The following GOSR2 variants were observed in gnomAD, a reference collection of about 807,000 sequenced individuals.
GOSR2 encodes 27 kDa Golgi SNARE protein.
In GOSR2, 20 loss-of-function variants were observed where a neutral mutation model predicts 27.9. That is an observed-to-expected ratio of 0.72 (90% CI 0.50 to 1.04). GOSR2 has a LOEUF of 1.04. Among genes scored for constraint, GOSR2 ranks in the 50% least tolerant of loss-of-function variants. GOSR2 has a pLI of 0.00. For missense variants in GOSR2, 261 were observed against 270.5 expected, an observed-to-expected ratio of 0.97 and a Z score of 0.25; for synonymous variants, 91 against 98.8, an observed-to-expected ratio of 0.92 and a Z score of 0.47.
intron 3 of GOSR2, 102 bp downstream of exon 3, chr17:46,931,309 G>A: frequency 1.4e-6 from 1 of 736,462 alleles, no homozygotes. Context: ...CAACGTACAT[G>A]TTGAAAAACT....
intron 6 of GOSR2, chr17:46,966,491 G>A (rs1282933687): frequency 4.5e-6 from 3 of 672,126 alleles, no homozygotes. Context: ...GGAACTACAG[G>A]TGCACCCCAC....
intron 6 of GOSR2, among the ~76,000 whole-genome samples, chr17:46,965,745 C>T (rs549166149): frequency 6.6e-6 from 1 of 152,184 alleles, no homozygotes; most frequent in African/African-American, 2.4e-5. Flanking sequence ...ACCTTAGCCT[C>T]CTGAGTAAAT....
downstream of GOSR2, among the ~76,000 whole-genome samples, chr17:46,946,003 C>T (rs2089826745): frequency 6.6e-6 from 1 of 152,150 alleles, no homozygotes; most frequent in African/African-American, 2.4e-5. Context: ...CCTCTCTTAC[C>T]TCAATCCAGG....
At position 46,941,950 on chromosome 17, in the gene GOSR2, A is replaced by G. The variant is rs1599085324; in HGVS notation, c.*3190A>G. ...CTCCTAGACAGAAAGCTTCTGTCTC[A>G]AAGATGATCACATTGGTGTAAAGAG... On this transcript the variant is annotated 3_prime_UTR_variant, in exon 6 of 6. Transcript: ENST00000640051. 1.0e-6 allele frequency: 1 copy of G among 985,186 alleles called. No individual in the cohort carries two copies. The allele number at this position is 985,186 out of a possible 1,614,324, so 61.0% of individuals were successfully genotyped here.
exon 7 of GOSR2, chr17:46,966,732 A>C (rs926060770): frequency 8.5e-6 from 4 of 471,496 alleles, no homozygotes; most frequent in African/African-American, 8.0e-5. Context: ...TGACTTGAGC[A>C]ATTTGTGCCT....
At position 46,966,568 on chromosome 17, in the gene GOSR2, C is replaced by T. The variant is rs771984158; in HGVS notation, c.618C>T (p.Pro206=). ...CTCACCATGTTGCCCAGAATGGACC[C>T]GAACTCCTGAGCTCAAGAGATCCTC... Residue 206 remains proline, a synonymous_variant, in exon 7 of 7, where the codon CCC becomes CCT. Transcript: ENST00000573224. The T allele has an allele frequency of 3.5e-5, 24 of 694,612 alleles. No individual in the cohort carries two copies. In the African/African-American group the frequency reaches 3.5e-4, roughly 10 times the overall value. The allele number at this position is 694,612 out of a possible 1,614,324, so 43.0% of individuals were successfully genotyped here.
At chr17:46,931,291 C>T in intron 3 of GOSR2, 84 bp downstream of exon 3, 1 of 782,816 alleles carries the variant, frequency 1.3e-6, no homozygotes, top group Non-Finnish European at 2.3e-6. Context: ...ATAGAATATT[C>T]TGAAAACCAA....
At chr17:46,971,690 CTT>C (rs2091394024), downstream of GOSR2, among the ~76,000 whole-genome samples, 1 of 152,214 alleles carries the variant, frequency 6.6e-6, no homozygotes. Flanking sequence ...GGTGAAGCGA[CTT>C]TCTCTGATGA....
rs1199656552 is a variant in GOSR2 at position 46,941,296 on chromosome 17, T to C, written c.*2536T>C. On this transcript the variant is annotated 3_prime_UTR_variant, in exon 6 of 6. Transcript: ENST00000640051. ...ATTTGAATGGGTTTGATTTGCAAAT[T>C]TGGATTTACACCCATTGTTTTGGAA... is the stretch of plus-strand genomic sequence containing the variant. The C allele has an allele frequency of 4.1e-6, 4 of 985,738 alleles. No individual in the cohort carries two copies. The highest frequency in any genetic ancestry group is 4.8e-6 in the Non-Finnish European group (4 of 830,230). The allele number at this position is 985,738 out of a possible 1,614,324, so 61.1% of individuals were successfully genotyped here.
intron 6 of GOSR2, among the ~76,000 whole-genome samples, chr17:46,953,262 T>G (rs1428968479): frequency 2.6e-5 from 4 of 151,572 alleles, no homozygotes; most frequent in Non-Finnish European, 4.4e-5. Context: ...GTGTTCTCAT[T>G]GTTCAATTCC....
chr17:46,934,394 C>T (rs1175964100), intron 4 of GOSR2, among the ~76,000 whole-genome samples: 3 of 152,146 alleles, frequency 2.0e-5, no homozygotes, highest in South Asian at 4.1e-4. Context: ...TGGTAGCATG[C>T]ACCTATGGTC....
At chr17:46,968,893 C>T (rs2091362836), downstream of GOSR2, 1 of 152,294 alleles carries the variant, frequency 6.6e-6, no homozygotes. Flanking sequence ...TGGGGTGCAA[C>T]CCCAAAAGCA....
At chr17:46,931,704 G>A (rs1229543511) in intron 3 of GOSR2, 1 of 333,544 alleles carries the variant, frequency 3.0e-6, no homozygotes, top group African/African-American at 2.2e-5. Context: ...CTTTGTGGAT[G>A]CTTTACCTCA....
intron 6 of GOSR2, among the ~76,000 whole-genome samples, chr17:46,966,380 C>G (rs2091321130): frequency 6.6e-6 from 1 of 152,192 alleles, no homozygotes; most frequent in African/African-American, 2.4e-5. Flanking sequence ...CCTCACACCT[C>G]TTCAAGGCCC....
chr17:46,973,572 T>G (rs2091414858), intron 6 of GOSR2, among the ~76,000 whole-genome samples: 1 of 152,070 alleles, frequency 6.6e-6, no homozygotes, highest in African/African-American at 2.4e-5. Context: ...GTCTAAGTAA[T>G]AGAACTATGA....
At chr17:46,972,608 A>G (rs2091404273) in intron 6 of GOSR2, among the ~76,000 whole-genome samples, 1 of 152,240 alleles carries the variant, frequency 6.6e-6, no homozygotes, top group Non-Finnish European at 1.5e-5. Context: ...ATTGCTGTCA[A>G]CATACAGGTT....
chr17:46,967,238 G>T (rs1036192626), downstream of GOSR2, among the ~76,000 whole-genome samples: 2 of 152,232 alleles, frequency 1.3e-5, no homozygotes, highest in Non-Finnish European at 2.9e-5. Context: ...CAGTCTGCCT[G>T]GGTTTGGATC....
intron 6 of GOSR2, among the ~76,000 whole-genome samples, chr17:46,961,648 G>A (rs959601156): frequency 6.6e-6 from 1 of 152,102 alleles, no homozygotes; most frequent in African/African-American, 2.4e-5. Context: ...AAATACGTCT[G>A]TAAAAAGATT....
intron 4 of GOSR2, chr17:46,933,745 G>A (rs144801734): frequency 1.8e-4 from 28 of 151,594 alleles, no homozygotes; most frequent in African/African-American, 6.8e-4. Context: ...GACCAAGGCA[G>A]TGGATTGTTC....
Sources: gnomAD v4.1 joint callset for allele counts (sites outside exome capture counted in the v4.1 genomes callset) on GRCh38, gnomAD v4.1.1 for gene constraint, MANE v1.5 for transcripts, NCBI Gene and HGNC (gene_info 2026-07-23, HGNC 2026-07-21) for gene names.